Variants in ETV5 observed in about 807,000 individuals in gnomAD.
ETV5 encodes ETS translocation variant 5.
A neutral mutation model predicts 70.0 loss-of-function variants in ETV5; 10 were observed. That is an observed-to-expected ratio of 0.14 (90% confidence interval 0.09 to 0.24). The LOEUF (loss-of-function observed/expected upper bound fraction) is 0.24. Among genes scored for constraint, ETV5 ranks in the 10% least tolerant of loss-of-function variants. The pLI, the probability that ETV5 is intolerant of heterozygous loss-of-function variation, is 1.00. For synonymous variants in ETV5, 216 were observed against 242.2 expected (o/e 0.89, Z 1.01); for missense variants, 453 against 651.2 (o/e 0.70, Z 3.31).
intron 1 of ETV5, chr3:186,106,864 A>C (rs1309725782): frequency 2.6e-6 from 2 of 764,116 alleles, no homozygotes; most frequent in Non-Finnish European, 3.2e-6. Flanking sequence ...TCAGGGAGGT[A>C]CCATCTTCCT....
chr3:186,054,114 C>T lies in ETV5; in HGVS notation c.1210-1983G>A, dbSNP rs972686651. ...AGCCATAGTTACTGACTCATCCTCC[C>T]GGGCCAGAGCCCTGTGATTCTGTAG... On this transcript the variant is annotated intron_variant, in intron 11 of 12. Coordinates refer to ENST00000306376, the MANE Select transcript of ETV5 (RefSeq NM_004454.3). This position sits in a 1 kb window ranked among gnomAD's most constrained non-coding sequence, Gnocchi z 4.4. Among the ~76,000 whole-genome samples the T allele has an allele frequency of 6.6e-6, 1 of 152,342 alleles. No homozygotes were observed. Among genetic ancestry groups the T allele is most frequent in the East Asian group, 1.9e-4 (1 of 5,188 alleles).
In ETV5 at chr3:186,105,239, T is replaced by C; in HGVS notation, c.232+66A>G. ...GGCCATAGCTGAAAAAAGCATATTC[T>C]AGACATGGATGATCTAAGACCAAAC... On this transcript the variant is annotated intron_variant, in intron 5 of 12. Transcript: ENST00000306376. This position sits in a 1 kb window ranked among gnomAD's most constrained non-coding sequence, Gnocchi z 4.5. 2 of 1,390,962 alleles carry C rather than the reference T, an allele frequency of 1.4e-6. No homozygotes were observed. Among genetic ancestry groups the C allele is most frequent in the Non-Finnish European group, 2.0e-6 (2 of 998,110 alleles). The allele number at this position is 1,390,962 out of a possible 1,614,324, so 86.2% of individuals were successfully genotyped here. A position where few individuals can be genotyped will look rare whatever the true frequency, so the allele number is the denominator to read the frequency against.
At chr3:186,078,512 A>G (rs991593276) in intron 7 of ETV5, among the ~76,000 whole-genome samples, 6 of 152,154 alleles carry the variant, frequency 3.9e-5, no homozygotes, top group Non-Finnish European at 8.8e-5. Flanking sequence ...TGTTGTTTTT[A>G]ATTTGAATTA....
rs1712890300 is a variant in ETV5, at chr3:186,046,805, A to C, written c.*1834T>G. ...CTATGTATAGACTATGTGTAGGTTA[A>C]GAAAGCTATAAATATGGTTTAGAAA... On this transcript the variant is annotated 3_prime_UTR_variant, in exon 13 of 13. Coordinates refer to ENST00000306376, the MANE Select transcript of ETV5 (RefSeq NM_004454.3). 1.3e-5 allele frequency: 3 copies of C among 232,614 alleles called. No homozygotes were observed. Among genetic ancestry groups the C allele is most frequent in the Non-Finnish European group, 2.6e-5 (3 of 117,432 alleles). 14.4% of individuals were successfully genotyped at this position (232,614 alleles called of 1,614,324 possible).
chr3:186,058,679 A>G (rs1713226117), intron 9 of ETV5, among the ~76,000 whole-genome samples: 1 of 152,204 alleles, frequency 6.6e-6, no homozygotes, highest in African/African-American at 2.4e-5. Flanking sequence ...GGATAGCCAT[A>G]ATAACAAGTG....
At chr3:186,088,065 C>T (rs1463328789) in intron 5 of ETV5, among the ~76,000 whole-genome samples, 2 of 152,282 alleles carry the variant, frequency 1.3e-5, no homozygotes, top group East Asian at 3.9e-4. Context: ...AGGCTTTGAC[C>T]GCCTTCCAGC....
chr3:186,068,690 T>G (rs1178402986), intron 7 of ETV5, among the ~76,000 whole-genome samples: 1 of 152,186 alleles, frequency 6.6e-6, no homozygotes, highest in Non-Finnish European at 1.5e-5. Flanking sequence ...GGGGATGTAT[T>G]ATCCTCCAAA....
chr3:186,055,829 C>A (rs1713149396), intron 11 of ETV5, among the ~76,000 whole-genome samples: 1 of 152,192 alleles, frequency 6.6e-6, no homozygotes, highest in Admixed American at 6.5e-5. Flanking sequence ...TAACTGAACA[C>A]TGAAAACAGC....
At position 186,102,700 on chromosome 3, in the gene ETV5, T is replaced by C. The variant is rs967098174; in HGVS notation, c.232+2605A>G. The stretch of plus-strand genomic sequence containing the variant: ...CAAATCTAAGTTTGGCTTATATTCA[T>C]TGGTTAAGTGAGTCAAACCAACTCA... On this transcript the variant is annotated intron_variant, in intron 5 of 12. Transcript: ENST00000306376. Among the ~76,000 whole-genome samples, 3 of 150,798 alleles carry C rather than the reference T, an allele frequency of 2.0e-5. No homozygotes were observed. In the East Asian group the frequency reaches 5.8e-4, roughly 29 times the overall value.
At chr3:186,087,788 G>T (rs1003049532) in intron 5 of ETV5, among the ~76,000 whole-genome samples, 4 of 151,792 alleles carry the variant, frequency 2.6e-5, no homozygotes, top group African/African-American at 4.8e-5. Flanking sequence ...CAAGACGTAG[G>T]AAAACACTTT....
At chr3:186,059,299 A>G (rs1713248466) in intron 9 of ETV5, among the ~76,000 whole-genome samples, 1 of 152,174 alleles carries the variant, frequency 6.6e-6, no homozygotes, top group Non-Finnish European at 1.5e-5. Flanking sequence ...TCATTTATAT[A>G]TTATTTAATC....
chr3:186,080,575 T>C (rs1156576631), intron 6 of ETV5: 2 of 232,256 alleles, frequency 8.6e-6, no homozygotes, highest in Admixed American at 5.6e-5. Flanking sequence ...TCTATGTTTA[T>C]CTTCTAGAGC....
intron 5 of ETV5, among the ~76,000 whole-genome samples, chr3:186,103,136 C>T (rs1441700957): frequency 6.6e-6 from 1 of 152,098 alleles, no homozygotes; most frequent in Non-Finnish European, 1.5e-5. Flanking sequence ...AAAGGCTCAA[C>T]CTTAGGCAGT....
intron 7 of ETV5, among the ~76,000 whole-genome samples, chr3:186,078,708 G>A (rs757741905): frequency 6.6e-6 from 1 of 151,994 alleles, no homozygotes; most frequent in Non-Finnish European, 1.5e-5. Context: ...CCACAACCCC[G>A]TCAGTGCTCA....
In ETV5 at chr3:186,101,996, T is replaced by C. The variant is rs182916585; in HGVS notation, c.232+3309A>G. On this transcript the variant is annotated intron_variant, in intron 5 of 12. Transcript: ENST00000306376. Reference sequence around the variant, plus strand: ...TTTACTGATATCTATATGTGTGAGGTAGAGGTGAAATCTGTACAGCTAGAA... The same window carrying C: ...TTTACTGATATCTATATGTGTGAGGCAGAGGTGAAATCTGTACAGCTAGAA... Among the ~76,000 whole-genome samples the C allele has an allele frequency of 6.0e-4, 92 of 152,294 alleles. 1 individual carries two copies. Among genetic ancestry groups the C allele is most frequent in the African/African-American group, 2.1e-3 (87 of 41,566 alleles).
chr3:186,070,770 T>C (rs756086102), intron 7 of ETV5, among the ~76,000 whole-genome samples: 5 of 152,248 alleles, frequency 3.3e-5, no homozygotes, highest in African/African-American at 4.8e-5. Context: ...TAAGAATGTG[T>C]TGTATACATA....
chr3:186,102,562 C>T (rs943993365), intron 5 of ETV5, among the ~76,000 whole-genome samples: 5 of 144,118 alleles, frequency 3.5e-5, no homozygotes, highest in African/African-American at 7.8e-5. Flanking sequence ...GAACCTGGGA[C>T]GTGGACATCC....
intron 5 of ETV5, among the ~76,000 whole-genome samples, chr3:186,091,559 G>C (rs1714183178): frequency 6.6e-6 from 1 of 152,118 alleles, no homozygotes; most frequent in African/African-American, 2.4e-5. Context: ...CTAGTTCCTG[G>C]AACACTTGGC....
At chr3:186,049,330 A>T (rs1712965675) in intron 12 of ETV5, among the ~76,000 whole-genome samples, 1 of 152,208 alleles carries the variant, frequency 6.6e-6, no homozygotes, top group Non-Finnish European at 1.5e-5. Context: ...GTATGTTCCA[A>T]AGCTGAAAAG....
Sources: allele counts gnomAD v4.1 joint callset (sites outside exome capture counted in the v4.1 genomes callset), GRCh38; gene constraint gnomAD v4.1.1; non-coding constraint Gnocchi (gnomAD v3.1); transcripts MANE v1.5; gene names NCBI Gene and HGNC (gene_info 2026-07-23, HGNC 2026-07-21).